The following NEO1 variants were observed in gnomAD, a reference collection of about 807,000 sequenced individuals.
The protein encoded by NEO1 is neogenin 1, also known as neogenin.
In NEO1, 63 loss-of-function variants were observed where a neutral mutation model predicts 159.7. The ratio of observed to expected loss-of-function variants is 0.39; its 90% CI spans 0.32 to 0.49. NEO1 has a LOEUF of 0.49. NEO1 is among the 20% of genes least tolerant of loss of function. The pLI is 0.85. For missense variants in NEO1, 1,615 were observed against 1,831.0 expected, an observed-to-expected ratio of 0.88 and a Z score of 2.15; for synonymous variants, 633 against 662.0, an observed-to-expected ratio of 0.96 and a Z score of 0.67.
rs115938221 is a variant in NEO1 at position 73,110,240 on chromosome 15, A to G, written c.131-6300A>G. ...TAACAAGTAGTAAAAAAAGAAAAAT[A>G]GGAAGTCCTTTGACAGTAGTGTCTT... is the stretch of plus-strand genomic sequence containing the variant. On this transcript the variant is annotated intron_variant, in intron 1 of 28. Coordinates refer to ENST00000261908, the MANE Select transcript of NEO1 (RefSeq NM_002499.4). 7.7e-4 allele frequency among the ~76,000 whole-genome samples: 118 copies of G among 152,286 alleles called. 1 individual carries two copies. The highest frequency in any genetic ancestry group is 2.7e-3 in the African/African-American group (113 of 41,574).
intron 8 of NEO1, among the ~76,000 whole-genome samples, chr15:73,239,620 C>T (rs1378165401): frequency 2.0e-5 from 3 of 152,142 alleles, no homozygotes; most frequent in African/African-American, 4.8e-5. Flanking sequence ...TTGCCTACAG[C>T]GTTCAGTACA....
intron 11 of NEO1, among the ~76,000 whole-genome samples, chr15:73,252,582 G>A (rs1323506414): frequency 6.6e-6 from 1 of 152,130 alleles, no homozygotes; most frequent in African/African-American, 2.4e-5. Flanking sequence ...AGAAAGCCAG[G>A]CTTACTGATG....
Position 73,270,372 on chromosome 15 carries a change from C to T in NEO1, c.2775C>T (p.Leu925=). The part of the protein sequence containing the change: ...YLVTGLKPNT[L]YEFSVMVTKG... ...TGACTGGTTTAAAGCCGAATACACTCTATGAATTCTCTGTGATGGTGACCA... is the reference window on the plus strand; with the variant it reads ...TGACTGGTTTAAAGCCGAATACACTTTATGAATTCTCTGTGATGGTGACCA... Residue 925 remains leucine (L), a synonymous_variant, in exon 18 of 29, where the codon CTC becomes CTT. Transcript: ENST00000261908. 3 of 1,614,160 alleles carry T rather than the reference C, an allele frequency of 1.9e-6. No individual in the cohort carries two copies. The highest frequency in any genetic ancestry group is 1.1e-5 in the South Asian group (1 of 91,084).
intron 7 of NEO1, among the ~76,000 whole-genome samples, chr15:73,233,072 A>T (rs965223686): frequency 1.3e-5 from 2 of 152,174 alleles, no homozygotes; most frequent in Non-Finnish European, 2.9e-5. Context: ...CCATCATGCC[A>T]GGAGTCTAAA....
At position 73,260,428 on chromosome 15, in the gene NEO1, G is replaced by A. The variant is rs200970191; in HGVS notation, c.2361G>A (p.Val787=). ...IGSPHAQTIK[V]DYKQRYYTIE... is the part of the protein sequence containing the mutation. ...GCCCTCATGCCCAGACCATCAAAGT[G>A]GACTATAAACAGCGCTATTACACCA... is the stretch of plus-strand genomic sequence containing the variant. Residue 787 remains valine (V), a synonymous_variant, in exon 15 of 29, where the codon GTG becomes GTA. Coordinates refer to ENST00000261908, the MANE Select transcript of NEO1 (RefSeq NM_002499.4). The A allele has an allele frequency of 9.9e-6, 16 of 1,613,738 alleles. No homozygotes were observed. The highest frequency in any genetic ancestry group is 1.4e-5 in the Non-Finnish European group (16 of 1,179,824).
intron 7 of NEO1, among the ~76,000 whole-genome samples, chr15:73,193,027 A>G (rs2036323589): frequency 6.6e-6 from 1 of 152,092 alleles, no homozygotes; most frequent in Non-Finnish European, 1.5e-5. Context: ...CTTGAAACAA[A>G]ATGCTATAGG....
At chr15:73,169,629 T>C (rs1210245671) in intron 5 of NEO1, among the ~76,000 whole-genome samples, 2 of 150,520 alleles carry the variant, frequency 1.3e-5, no homozygotes, top group Non-Finnish European at 3.0e-5. Context: ...ACCGAAATTA[T>C]CTGCTCCCCC....
At chr15:73,235,675 C>G (rs928128570) in intron 7 of NEO1, among the ~76,000 whole-genome samples, 1 of 152,204 alleles carries the variant, frequency 6.6e-6, no homozygotes, top group Non-Finnish European at 1.5e-5. Context: ...ATTGACAAAA[C>G]AGCAAGGTAT....
chr15:73,133,861 G>A (rs565190074), intron 4 of NEO1, among the ~76,000 whole-genome samples: 5 of 152,158 alleles, frequency 3.3e-5, no homozygotes, highest in South Asian at 2.1e-4. Flanking sequence ...AATCAATCCC[G>A]TTAAGAAAGA....
Position 73,262,833 on chromosome 15 carries a change from G to A in NEO1, c.2398+2368G>A, listed in dbSNP as rs544125175. 1.2e-4 allele frequency among the ~76,000 whole-genome samples: 18 copies of A among 152,252 alleles called. No homozygotes were observed. In the South Asian group the frequency reaches 3.3e-3, roughly 28 times the overall value. ...GGAAATAACAAATTTTCATCAACAGGTAAGTGGTAAATCGTGATATATCCA... is the reference window on the plus strand; with the variant it reads ...GGAAATAACAAATTTTCATCAACAGATAAGTGGTAAATCGTGATATATCCA... On this transcript the variant is annotated intron_variant, in intron 15 of 28. Coordinates refer to ENST00000261908, the MANE Select transcript of NEO1 (RefSeq NM_002499.4).
At chr15:73,089,736 A>T (rs1302856521) in intron 1 of NEO1, among the ~76,000 whole-genome samples, 1 of 152,042 alleles carries the variant, frequency 6.6e-6, no homozygotes, top group Non-Finnish European at 1.5e-5. Flanking sequence ...GTAGGTGGTG[A>T]TATTTATCAA....
chr15:73,069,461 T>G (rs1219798829), intron 1 of NEO1, among the ~76,000 whole-genome samples: 2 of 152,052 alleles, frequency 1.3e-5, no homozygotes, highest in African/African-American at 4.8e-5. Context: ...AAAGTTTTTG[T>G]TTTTTAACCC....
intron 5 of NEO1, among the ~76,000 whole-genome samples, chr15:73,165,153 C>T (rs1265020527): frequency 7.3e-6 from 1 of 137,674 alleles, no homozygotes; most frequent in East Asian, 2.1e-4. Flanking sequence ...AGACTCCAGT[C>T]TGTATTTTAA....
At chr15:73,274,750 T>C in intron 21 of NEO1, 26 bp downstream of exon 21, 1 of 1,603,278 alleles carries the variant, frequency 6.2e-7, no homozygotes, top group Non-Finnish European at 8.5e-7. Context: ...GCCTCTCTTT[T>C]CTTTCCTTTC....
At position 73,303,201 on chromosome 15, in the gene NEO1, T is replaced by C. The variant is rs1317733800; in HGVS notation, c.*505T>C. On this transcript the variant is annotated 3_prime_UTR_variant, in exon 29 of 29. Transcript: ENST00000261908. ...TTGTTCCAATTATGTATGGAAAGTC[T>C]TTGACAGTGTGGGTCGTTCCTGGGG... 6.5e-6 allele frequency: 1 copy of C among 154,584 alleles called. No homozygotes were observed. The highest frequency in any genetic ancestry group is 2.4e-5 in the African/African-American group (1 of 41,482). The allele number at this position is 154,584 out of a possible 1,614,324, so 9.6% of individuals were successfully genotyped here.
intron 5 of NEO1, among the ~76,000 whole-genome samples, chr15:73,166,797 C>T (rs2034597900): frequency 6.6e-6 from 1 of 152,132 alleles, no homozygotes; most frequent in Admixed American, 6.5e-5. Context: ...ATTCAGTCCT[C>T]AGTTCCCCCT....
At chr15:73,074,865 A>G (rs912000949) in intron 1 of NEO1, among the ~76,000 whole-genome samples, 2 of 152,154 alleles carry the variant, frequency 1.3e-5, no homozygotes, top group Non-Finnish European at 2.9e-5. Context: ...GTTGGGGTGC[A>G]GGAGCCAGAT....
chr15:73,177,679 C>T (rs1313604682), intron 6 of NEO1, among the ~76,000 whole-genome samples: 1 of 152,122 alleles, frequency 6.6e-6, no homozygotes, highest in African/African-American at 2.4e-5. Flanking sequence ...GTAGCTGGAA[C>T]TACAGGCACG....
chr15:73,301,222 GTC>G (rs1293905419), intron 27 of NEO1, 97 bp from the exon 28 acceptor site: 3 of 1,494,042 alleles, frequency 2.0e-6, no homozygotes, highest in African/African-American at 2.8e-5. Context: ...GGGTCTGTAT[GTC>G]TCTCTCACCC....
Sources: allele counts gnomAD v4.1 joint callset (sites outside exome capture counted in the v4.1 genomes callset), GRCh38; gene constraint gnomAD v4.1.1; transcripts MANE v1.5; gene names NCBI Gene and HGNC (gene_info 2026-07-23, HGNC 2026-07-21).